Variants in AP1S3 observed in about 807,000 individuals in gnomAD.
AP1S3 encodes AP-1 complex subunit sigma-3.
Under a neutral mutation model 20.9 loss-of-function variants are expected in AP1S3, and 10 were observed. The observed-to-expected ratio is 0.48, with a 90% CI of 0.29 to 0.81. The LOEUF is 0.81. AP1S3 is among the 30% of genes least tolerant of loss of function. AP1S3 has a pLI of 0.08. For missense variants in AP1S3, 154 were observed against 183.8 expected (o/e 0.84, Z 0.94); for synonymous variants, 41 against 61.5 (o/e 0.67, Z 1.56).
At chr2:223,825,599 C>T (rs1692109749) in intron 1 of AP1S3, among the ~76,000 whole-genome samples, 1 of 152,284 alleles carries the variant, frequency 6.6e-6, no homozygotes. Context: ...CTTAATTTTC[C>T]ACTCTAGATT....
At chr2:223,770,180 G>A (rs1162773177) in intron 3 of AP1S3, 1 of 1,549,822 alleles carries the variant, frequency 6.5e-7, no homozygotes, top group East Asian at 2.4e-5. Context: ...AAGAAGGTAT[G>A]AGAAGAAAGC....
intron 3 of AP1S3, among the ~76,000 whole-genome samples, chr2:223,774,573 T>C (rs912478492): frequency 2.6e-5 from 4 of 151,460 alleles, no homozygotes; most frequent in Non-Finnish European, 4.4e-5. Context: ...TGGTAACTAA[T>C]AGGGCAAGAG....
intron 1 of AP1S3, among the ~76,000 whole-genome samples, chr2:223,815,946 C>CA (rs1691833287): frequency 6.6e-6 from 1 of 152,038 alleles, no homozygotes; most frequent in African/African-American, 2.4e-5. Context: ...CACATCTGTA[C>CA]AAAAAATACA....
chr2:223,768,222 C>G (rs1445857554), intron 3 of AP1S3, among the ~76,000 whole-genome samples: 1 of 152,182 alleles, frequency 6.6e-6, no homozygotes, highest in Non-Finnish European at 1.5e-5. Flanking sequence ...TGTGCCTTTG[C>G]TTTCTGCACA....
chr2:223,767,888 G>A (rs988923093), intron 3 of AP1S3, among the ~76,000 whole-genome samples: 5 of 151,978 alleles, frequency 3.3e-5, no homozygotes, highest in African/African-American at 9.7e-5. Flanking sequence ...CTCTGGATTT[G>A]GTCATCAGTT....
chr2:223,815,151 T>C (rs1252569502), intron 1 of AP1S3, among the ~76,000 whole-genome samples: 1 of 152,206 alleles, frequency 6.6e-6, no homozygotes, highest in Non-Finnish European at 1.5e-5. Flanking sequence ...GGTGACAGAG[T>C]TAGCAAAACA....
In AP1S3 at chr2:223,756,904, G is replaced by A; in HGVS notation, c.*1811C>T. 2.0e-6 allele frequency: 2 copies of A among 985,026 alleles called. No homozygotes were observed. Among genetic ancestry groups the A allele is most frequent in the Non-Finnish European group, 2.4e-6 (2 of 829,892 alleles). The allele number at this position is 985,026 out of a possible 1,614,324, so 61.0% of individuals were successfully genotyped here. Reference sequence around the variant, plus strand: ...AACCACTCTAATATGAATGATACCAGACCTCAAAGCTAACATTGAAAATGC... The same window carrying A: ...AACCACTCTAATATGAATGATACCAAACCTCAAAGCTAACATTGAAAATGC... On this transcript the variant is annotated 3_prime_UTR_variant, in exon 5 of 5. Coordinates refer to ENST00000396654, the MANE Select transcript of AP1S3 (RefSeq NM_001039569.2).
rs375854645 is a variant in AP1S3 at position 223,809,413 on chromosome 2, G to A, written c.3+28035C>T. Among the ~76,000 whole-genome samples, 22 of 152,220 alleles carry A rather than the reference G, an allele frequency of 1.4e-4. No individual in the cohort carries two copies. In the East Asian group the frequency reaches 3.7e-3, roughly 26 times the overall value. ...TAATCCCAGCACTTCGGGAGGCCAA[G>A]GCGGGCAGATCACTTGAGGTCAGGA... On this transcript the variant is annotated intron_variant, in intron 1 of 4. Transcript: ENST00000396654.
intron 1 of AP1S3, among the ~76,000 whole-genome samples, chr2:223,792,665 C>A (rs1381909047): frequency 6.6e-6 from 1 of 151,968 alleles, no homozygotes; most frequent in East Asian, 1.9e-4. Flanking sequence ...TAGTCACGAG[C>A]AGATTTCATG....
At chr2:223,799,948 C>T (rs1310165211) in intron 1 of AP1S3, among the ~76,000 whole-genome samples, 1 of 152,124 alleles carries the variant, frequency 6.6e-6, no homozygotes, top group Non-Finnish European at 1.5e-5. Context: ...TGGTGGCTCA[C>T]ACCTGTAATC....
chr2:223,816,469 G>A (rs1444509470), intron 1 of AP1S3, among the ~76,000 whole-genome samples: 1 of 152,190 alleles, frequency 6.6e-6, no homozygotes, highest in Non-Finnish European at 1.5e-5. Context: ...TGAAATGTGA[G>A]TAGCCACAAA....
intron 1 of AP1S3, among the ~76,000 whole-genome samples, chr2:223,802,894 C>A (rs1691499993): frequency 6.6e-6 from 1 of 152,156 alleles, no homozygotes; most frequent in African/African-American, 2.4e-5. Flanking sequence ...TGCAATAAAT[C>A]TATATCCTGG....
At chr2:223,821,483 A>G (rs10167473) in intron 1 of AP1S3, among the ~76,000 whole-genome samples, 48,968 of 152,102 alleles carry the variant, frequency 0.32, 8,304 homozygotes, top group Middle Eastern at 0.43. Flanking sequence ...TCTCTTAATA[A>G]TGTCCCAATT....
At chr2:223,828,058 TAAAAAAAAA>T (rs527671959) in intron 1 of AP1S3, among the ~76,000 whole-genome samples, 4 of 94,692 alleles carry the variant, frequency 4.2e-5, no homozygotes, top group South Asian at 6.6e-4. Context: ...AGACTTCATC[TAAAAAAAAA>T]AAAAAAAAAA....
At chr2:223,824,542 C>A (rs941537958) in intron 1 of AP1S3, among the ~76,000 whole-genome samples, 3 of 117,296 alleles carry the variant, frequency 2.6e-5, no homozygotes, top group African/African-American at 9.4e-5. Flanking sequence ...ATGCAAAAGG[C>A]AGGTGGGGTT....
chr2:223,803,995 A>T (rs965883519), intron 1 of AP1S3, among the ~76,000 whole-genome samples: 1 of 152,158 alleles, frequency 6.6e-6, no homozygotes, highest in African/African-American at 2.4e-5. Context: ...AAGTGCAAGG[A>T]TGACTTTATT....
In AP1S3 at chr2:223,832,131, C is replaced by CTGTGTG. The variant is rs1339727568; in HGVS notation, c.3+5316_3+5317insCACACA. 4.6e-4 allele frequency among the ~76,000 whole-genome samples: 53 copies of CTGTGTG among 114,734 alleles called. 2 individuals carry two copies. Among genetic ancestry groups the CTGTGTG allele is most frequent in the African/African-American group, 1.4e-3 (37 of 26,438 alleles). The allele number at this position is 114,734 out of a possible 152,430, so 75.3% of individuals were successfully genotyped here. ...TTCTGGGGATTATTAAAGGAGTTTT[C>CTGTGTG]TCTCTGTGTGTGTGTGTGTGTGTGT... On this transcript the variant is annotated intron_variant, in intron 1 of 4. Coordinates refer to ENST00000396654, the MANE Select transcript of AP1S3 (RefSeq NM_001039569.2).
intron 1 of AP1S3, among the ~76,000 whole-genome samples, chr2:223,807,326 G>C (rs1691604533): frequency 6.6e-6 from 1 of 152,000 alleles, no homozygotes; most frequent in African/African-American, 2.4e-5. Context: ...ATACAGGAAG[G>C]GAAGAACTGG....
At chr2:223,832,844 T>C (rs1692308511) in intron 1 of AP1S3, among the ~76,000 whole-genome samples, 1 of 149,376 alleles carries the variant, frequency 6.7e-6, no homozygotes, top group South Asian at 2.1e-4. Context: ...GGTGTACTCC[T>C]ACTATTTCAA....
Sources: gnomAD v4.1 joint callset for allele counts (sites outside exome capture counted in the v4.1 genomes callset) on GRCh38, gnomAD v4.1.1 for gene constraint, MANE v1.5 for transcripts, NCBI Gene and HGNC (gene_info 2026-07-23, HGNC 2026-07-21) for gene names.